SNAP91: variants seen among roughly 807,000 people sequenced by gnomAD.
The protein encoded by SNAP91 is clathrin coat assembly protein AP180.
SNAP91 carries 27 observed loss-of-function variants against 100.3 expected under a neutral mutation model. That is an observed-to-expected ratio of 0.27 (90% CI 0.20 to 0.37). The LOEUF (loss-of-function observed/expected upper bound fraction) is 0.37. SNAP91 is among the 10% of genes least tolerant of loss of function. The probability of loss-of-function intolerance (pLI) is 1.00; values close to 1 mark genes in which losing one functional copy is unlikely to be tolerated. For missense variants in SNAP91, 986 were observed against 1,123.7 expected (o/e 0.88, Z 1.75); for synonymous variants, 404 against 398.6 (o/e 1.01, Z -0.16).
intron 22 of SNAP91, among the ~76,000 whole-genome samples, chr6:83,585,230 TG>T (rs368968980): frequency 4.1e-4 from 63 of 152,228 alleles, no homozygotes; most frequent in African/African-American, 1.5e-3. Context: ...GACGTTTAGC[TG>T]GGTATGGTGG....
At chr6:83,567,384 C>A (rs1798203132) in intron 26 of SNAP91, among the ~76,000 whole-genome samples, 1 of 151,984 alleles carries the variant, frequency 6.6e-6, no homozygotes, top group African/African-American at 2.4e-5. Flanking sequence ...AATGTTAGAC[C>A]GAAAACCATA....
intron 2 of SNAP91, chr6:83,686,702 C>T (rs2099066346): frequency 1.3e-5 from 2 of 152,210 alleles, no homozygotes. Context: ...TTTGGATTAA[C>T]AGAATGATTC....
At chr6:83,614,793 A>C (rs2096380078) in intron 11 of SNAP91, 64 bp downstream of exon 11, 4 of 1,201,794 alleles carry the variant, frequency 3.3e-6, no homozygotes, top group Non-Finnish European at 4.7e-6. Flanking sequence ...GTGGAATCTT[A>C]AGAGTGTTTT....
At chr6:83,630,039 T>G (rs1272857893) in intron 8 of SNAP91, among the ~76,000 whole-genome samples, 3 of 152,160 alleles carry the variant, frequency 2.0e-5, no homozygotes, top group East Asian at 3.9e-4. Flanking sequence ...ATGCCAGTTT[T>G]GCTAAGCGTT....
At chr6:83,665,632 A>C in intron 2 of SNAP91, 51 bp from the exon 3 acceptor site, 1 of 1,546,300 alleles carries the variant, frequency 6.5e-7, no homozygotes, top group African/African-American at 1.4e-5. Flanking sequence ...ACATGCAAAA[A>C]TTCATTTCAA....
chr6:83,570,055 A>G (rs1418261499), intron 26 of SNAP91, among the ~76,000 whole-genome samples: 2 of 152,170 alleles, frequency 1.3e-5, no homozygotes, highest in Admixed American at 1.3e-4. Context: ...GAACTGGGTA[A>G]CAGGCAGAGG....
chr6:83,656,740 G>T lies in SNAP91; in HGVS notation c.658+14C>A. ...ATCCCATCAGCCCAGACATGTTTCG[G>T]TTGTTCCACCTACCGAGTAAGTTAA... On this transcript the variant is annotated intron_variant, in intron 7 of 29. Coordinates refer to ENST00000369694, the MANE Select transcript of SNAP91 (RefSeq NM_001242792.2). 7.7e-7 allele frequency: 1 copy of T among 1,295,180 alleles called. No individual in the cohort carries two copies. The highest frequency in any genetic ancestry group is 1.1e-6 in the Non-Finnish European group (1 of 905,228). 80.2% of individuals were successfully genotyped at this position (1,295,180 alleles called of 1,614,324 possible).
chr6:83,588,210 A>C (rs1356530029), intron 22 of SNAP91, among the ~76,000 whole-genome samples: 1 of 152,212 alleles, frequency 6.6e-6, no homozygotes, highest in Admixed American at 6.5e-5. Context: ...ACATTAAATT[A>C]CAAGAACTGT....
chr6:83,629,666 G>C (rs756633499), intron 8 of SNAP91, among the ~76,000 whole-genome samples: 2 of 151,966 alleles, frequency 1.3e-5, no homozygotes, highest in Non-Finnish European at 2.9e-5. Context: ...GGTCAATGTT[G>C]GTGTATCGAA....
chr6:83,695,276 C>CAAAAAA (rs56103542), intron 2 of SNAP91, among the ~76,000 whole-genome samples: 70 of 67,256 alleles, frequency 1.0e-3, no homozygotes, highest in Non-Finnish European at 1.1e-3. Flanking sequence ...GGCTCCATCT[C>CAAAAAA]AAAAAAAAAA....
intron 2 of SNAP91, among the ~76,000 whole-genome samples, chr6:83,681,569 CAGAAA>C (rs771360512): frequency 1.9e-4 from 29 of 149,732 alleles, no homozygotes; most frequent in Non-Finnish European, 3.4e-4. Flanking sequence ...CTAGCCAGCT[CAGAAA>C]AAAAAAGTTA....
At chr6:83,693,233 T>C (rs758256348) in intron 2 of SNAP91, among the ~76,000 whole-genome samples, 3 of 152,190 alleles carry the variant, frequency 2.0e-5, no homozygotes, top group Non-Finnish European at 4.4e-5. Context: ...CTTAACCTCC[T>C]TGGGCATTGT....
chr6:83,649,368 T>C (rs944926557), intron 7 of SNAP91, among the ~76,000 whole-genome samples: 60 of 152,198 alleles, frequency 3.9e-4, no homozygotes, highest in African/African-American at 1.4e-3. Flanking sequence ...TGGAACTCTC[T>C]ACAGGCTGTC....
At chr6:83,661,413 T>C (rs1451478591) in intron 5 of SNAP91, 89 bp downstream of exon 5, 3 of 707,824 alleles carry the variant, frequency 4.2e-6, no homozygotes, top group East Asian at 5.4e-5. Context: ...TCAAGAAAAT[T>C]AGCTGGCATT....
chr6:83,655,333 G>A (rs2098370196), intron 7 of SNAP91, among the ~76,000 whole-genome samples: 1 of 152,204 alleles, frequency 6.6e-6, no homozygotes, highest in South Asian at 2.1e-4. Context: ...CTGGTATAGT[G>A]TCACATATGA....
At chr6:83,679,112 C>T (rs1480472989) in intron 2 of SNAP91, among the ~76,000 whole-genome samples, 2 of 152,154 alleles carry the variant, frequency 1.3e-5, no homozygotes, top group East Asian at 3.9e-4. Flanking sequence ...TAACAACTAT[C>T]TATATAGCAT....
At chr6:83,579,155 T>C (rs1217785406) in intron 24 of SNAP91, among the ~76,000 whole-genome samples, 1 of 152,224 alleles carries the variant, frequency 6.6e-6, no homozygotes, top group Non-Finnish European at 1.5e-5. Flanking sequence ...AGTTTTGAAA[T>C]TGGAAACACG....
intron 27 of SNAP91, among the ~76,000 whole-genome samples, chr6:83,560,482 T>G (rs1028309600): frequency 2.6e-5 from 4 of 152,190 alleles, no homozygotes; most frequent in African/African-American, 9.6e-5. Context: ...GTAAGCATAA[T>G]TCTTGGAAAG....
chr6:83,654,554 T>C (rs1347141241), intron 7 of SNAP91, among the ~76,000 whole-genome samples: 1 of 152,144 alleles, frequency 6.6e-6, no homozygotes, highest in Non-Finnish European at 1.5e-5. Context: ...GGGGATTAAG[T>C]TACAAAAGGA....
Sources: gnomAD v4.1 joint callset for allele counts (sites outside exome capture counted in the v4.1 genomes callset) on GRCh38, gnomAD v4.1.1 for gene constraint, MANE v1.5 for transcripts, NCBI Gene and HGNC (gene_info 2026-07-23, HGNC 2026-07-21) for gene names.